RIMS2: variants seen among roughly 807,000 people sequenced by gnomAD.
The protein encoded by RIMS2 is regulating synaptic membrane exocytosis protein 2.
A neutral mutation model predicts 174.4 loss-of-function variants in RIMS2; 59 were observed. The ratio of observed to expected loss-of-function variants is 0.34; its 90% CI spans 0.27 to 0.42. RIMS2 has a LOEUF of 0.42. Ranked by LOEUF, RIMS2 falls within the 10% of genes least tolerant of loss-of-function variation. The probability of loss-of-function intolerance (pLI) is 1.00; values close to 1 mark genes in which losing one functional copy is unlikely to be tolerated. For synonymous variants in RIMS2, 606 were observed against 572.5 expected, an observed-to-expected ratio of 1.06 and a Z score of -0.84; for missense variants, 1,620 against 1,666.3, an observed-to-expected ratio of 0.97 and a Z score of 0.48.
chr8:103,834,332 C>CTTTTTTTTTTTTTT (rs397892077), intron 3 of RIMS2, among the ~76,000 whole-genome samples: 15 of 119,244 alleles, frequency 1.3e-4, no homozygotes, highest in East Asian at 5.0e-4. Context: ...TTTTCTTTTT[C>CTTTTTTTTTTTTTT]TTTTTTTTTT....
intron 3 of RIMS2, among the ~76,000 whole-genome samples, chr8:103,853,031 A>G (rs193126599): frequency 1.1e-3 from 173 of 152,198 alleles, no homozygotes; most frequent in Non-Finnish European, 1.8e-3. Flanking sequence ...AACAGTGTAT[A>G]AGTGTTCCCT....
At chr8:104,069,573 A>T (rs1263450741) in intron 19 of RIMS2, among the ~76,000 whole-genome samples, 3 of 144,478 alleles carry the variant, frequency 2.1e-5, no homozygotes, top group Admixed American at 7.3e-5. Context: ...GGTTCAAGCG[A>T]TTCTCCTGCC....
rs549013930 is a variant in RIMS2, at chr8:103,720,815, CTATT to C, written c.387+23521_387+23524del. Among the ~76,000 whole-genome samples the C allele has an allele frequency of 1.4e-3, 219 of 152,264 alleles. 2 individuals carry two copies. The highest frequency in any genetic ancestry group is 4.4e-3 in the African/African-American group (181 of 41,564). ...TTAAAAGGCAGAGAGAGGCTACTGA[CTATT>C]TGTTTGAATATATTATACATTCTAA... On this transcript the variant is annotated intron_variant, in intron 2 of 23. Coordinates refer to ENST00000504942, the Ensembl canonical transcript of RIMS2.
chr8:104,059,300 G>T (rs1221500785), intron 19 of RIMS2, among the ~76,000 whole-genome samples: 1 of 148,872 alleles, frequency 6.7e-6, no homozygotes, highest in Non-Finnish European at 1.5e-5. Context: ...TTGTAAGTTG[G>T]ATTCCTAGGT....
At chr8:103,960,108 C>G (rs2089430283) in intron 14 of RIMS2, among the ~76,000 whole-genome samples, 1 of 152,106 alleles carries the variant, frequency 6.6e-6, no homozygotes, top group African/African-American at 2.4e-5. Flanking sequence ...AGACCGCTAG[C>G]AAGACTAATA....
intron 1 of RIMS2, among the ~76,000 whole-genome samples, chr8:103,563,709 C>T (rs1233027008): frequency 6.6e-6 from 1 of 152,122 alleles, no homozygotes; most frequent in African/African-American, 2.4e-5. Flanking sequence ...TGTATTAGTC[C>T]ATTTTCACGC....
intron 19 of RIMS2, among the ~76,000 whole-genome samples, chr8:104,061,642 T>G (rs2096992786): frequency 6.7e-6 from 1 of 149,506 alleles, no homozygotes; most frequent in Non-Finnish European, 1.5e-5. Context: ...AAATATATAT[T>G]TATATTTAAA....
At chr8:103,814,846 C>T (rs1444138585) in intron 3 of RIMS2, among the ~76,000 whole-genome samples, 4 of 152,090 alleles carry the variant, frequency 2.6e-5, no homozygotes, top group Non-Finnish European at 5.9e-5. Flanking sequence ...AAGATTCTGT[C>T]TCAAAATATC....
At chr8:104,101,051 AC>A in intron 19 of RIMS2, among the ~76,000 whole-genome samples, 1 of 127,266 alleles carries the variant, frequency 7.9e-6, no homozygotes, top group Non-Finnish European at 1.7e-5. Context: ...ATTATATATT[AC>A]ATATGTAATA....
intron 3 of RIMS2, among the ~76,000 whole-genome samples, chr8:103,831,386 C>T (rs2098825114): frequency 6.6e-6 from 1 of 152,122 alleles, no homozygotes; most frequent in South Asian, 2.1e-4. Flanking sequence ...TAATAACACA[C>T]AGTGTCAGGA....
intron 19 of RIMS2, among the ~76,000 whole-genome samples, chr8:104,106,037 C>CAAAAAAAAAAAAAA (rs575916023): frequency 3.9e-4 from 22 of 56,914 alleles, no homozygotes; most frequent in South Asian, 1.5e-3. Flanking sequence ...GACTCTGCCA[C>CAAAAAAAAAAAAAA]AAAAAAAAAA....
chr8:104,210,234 T>G (rs2441912), intron 19 of RIMS2, among the ~76,000 whole-genome samples: 14 of 152,038 alleles, frequency 9.2e-5, no homozygotes, highest in Non-Finnish European at 1.9e-4. Flanking sequence ...AAGAGGACTT[T>G]TTTACAATTA....
intron 19 of RIMS2, among the ~76,000 whole-genome samples, chr8:104,218,529 T>C (rs889592421): frequency 6.6e-6 from 1 of 152,186 alleles, no homozygotes; most frequent in African/African-American, 2.4e-5. Flanking sequence ...TCTATTATTA[T>C]TACATTGTTG....
intron 1 of RIMS2, among the ~76,000 whole-genome samples, chr8:103,508,414 T>G (rs1824724261): frequency 6.7e-6 from 1 of 150,156 alleles, no homozygotes; most frequent in Non-Finnish European, 1.5e-5. Context: ...GCAAAAATCT[T>G]AAAACTCCCA....
intron 1 of RIMS2, among the ~76,000 whole-genome samples, chr8:103,606,745 C>A (rs867184923): frequency 0.012 from 1,760 of 152,174 alleles, 31 homozygotes; most frequent in African/African-American, 0.039. Context: ...GATCCCTTTA[C>A]CATTATATAA....
intron 19 of RIMS2, among the ~76,000 whole-genome samples, chr8:104,065,807 G>A (rs116610409): frequency 0.011 from 1,738 of 152,104 alleles, 39 homozygotes; most frequent in African/African-American, 0.039. Flanking sequence ...ATGATGATTG[G>A]GTCTGGAGAT....
chr8:103,523,332 G>C (rs1010104731), intron 1 of RIMS2, among the ~76,000 whole-genome samples: 8 of 151,800 alleles, frequency 5.3e-5, no homozygotes, highest in African/African-American at 1.5e-4. Context: ...GGAAAGATGT[G>C]ATTGACTTTG....
chr8:104,018,907 A>G (rs1435867944), intron 19 of RIMS2, among the ~76,000 whole-genome samples: 2 of 152,172 alleles, frequency 1.3e-5, no homozygotes, highest in Non-Finnish European at 2.9e-5. Context: ...AATGAAATGC[A>G]TACCTTTTAT....
chr8:103,579,847 T>C (rs2093497056), intron 1 of RIMS2, among the ~76,000 whole-genome samples: 1 of 152,152 alleles, frequency 6.6e-6, no homozygotes, highest in African/African-American at 2.4e-5. Context: ...AGGAAACTTA[T>C]AATCATGGTG....
Sources: allele counts gnomAD v4.1 joint callset (sites outside exome capture counted in the v4.1 genomes callset), GRCh38; gene constraint gnomAD v4.1.1; transcripts MANE v1.5; gene names NCBI Gene and HGNC (gene_info 2026-07-23, HGNC 2026-07-21).